Variants in NKAIN2 observed in about 807,000 individuals in gnomAD.
The protein encoded by NKAIN2 is sodium/potassium transporting ATPase interacting 2.
In NKAIN2, 14 loss-of-function variants were observed where a neutral mutation model predicts 32.6. The ratio of observed to expected loss-of-function variants is 0.43; its 90% CI spans 0.28 to 0.67. NKAIN2 has a LOEUF of 0.67. Among genes scored for constraint, NKAIN2 ranks in the 30% least tolerant of loss-of-function variants. The probability of loss-of-function intolerance (pLI) is 0.17; values close to 1 mark genes in which losing one functional copy is unlikely to be tolerated. For missense variants in NKAIN2, 198 were observed against 258.3 expected, an observed-to-expected ratio of 0.77 and a Z score of 1.60; for synonymous variants, 80 against 87.2, an observed-to-expected ratio of 0.92 and a Z score of 0.46.
chr6:124,023,378 C>T (rs1409400777), intron 1 of NKAIN2, among the ~76,000 whole-genome samples: 2 of 152,098 alleles, frequency 1.3e-5, no homozygotes, highest in African/African-American at 4.8e-5. Context: ...ACTTCTCCCA[C>T]TTTGTTTTCA....
intron 2 of NKAIN2, among the ~76,000 whole-genome samples, chr6:124,314,559 A>G (rs909850337): frequency 1.3e-5 from 2 of 152,130 alleles, no homozygotes; most frequent in African/African-American, 4.8e-5. Flanking sequence ...GGCTCCTCCT[A>G]CAAAGGAGCT....
rs540483228 is a variant in NKAIN2 at position 124,383,036 on chromosome 6, G to A, written c.273+27689G>A. On this transcript the variant is annotated intron_variant, in intron 3 of 6. Coordinates refer to ENST00000368417, the MANE Select transcript of NKAIN2 (RefSeq NM_001040214.3). ...TTCAAATCAGGAAAGCAAGCATAGC[G>A]GTTAGCATTTTTTCTGTACTGCTTC... Among the ~76,000 whole-genome samples, 35 of 152,148 alleles carry A rather than the reference G, an allele frequency of 2.3e-4. No individual in the cohort carries two copies. In the South Asian group the frequency reaches 6.9e-3, roughly 30 times the overall value.
At chr6:123,981,350 A>G (rs1320327646) in intron 1 of NKAIN2, among the ~76,000 whole-genome samples, 1 of 152,196 alleles carries the variant, frequency 6.6e-6, no homozygotes, top group Non-Finnish European at 1.5e-5. Flanking sequence ...AAAAAAAAGC[A>G]TCATACCTCC....
At chr6:124,385,839 A>G (rs994466294) in intron 3 of NKAIN2, among the ~76,000 whole-genome samples, 4 of 152,160 alleles carry the variant, frequency 2.6e-5, no homozygotes, top group African/African-American at 9.7e-5. Context: ...ATACATGTAC[A>G]TACTCATATA....
At chr6:123,916,868 C>G (rs1775528815) in intron 1 of NKAIN2, among the ~76,000 whole-genome samples, 1 of 151,596 alleles carries the variant, frequency 6.6e-6, no homozygotes. Context: ...CTGTCATCTA[C>G]CTACCTACCT....
At chr6:124,340,988 T>G (rs1322593) in intron 2 of NKAIN2, among the ~76,000 whole-genome samples, 131,506 of 152,100 alleles carry the variant, frequency 0.86, 57,190 homozygotes, top group African/African-American at 0.96. Flanking sequence ...ATACCTTTGG[T>G]ATACTGTTTT....
chr6:124,391,167 G>C (rs990583642), intron 3 of NKAIN2: 1 of 152,076 alleles, frequency 6.6e-6, no homozygotes, highest in African/African-American at 2.4e-5. Context: ...AGGATAAAAT[G>C]ATCCAAACAT....
At chr6:124,237,510 A>C (rs1255450627) in intron 1 of NKAIN2, among the ~76,000 whole-genome samples, 2 of 152,110 alleles carry the variant, frequency 1.3e-5, no homozygotes, top group African/African-American at 4.8e-5. Flanking sequence ...TAGGACAAGA[A>C]ATTAACAAAG....
intron 3 of NKAIN2, among the ~76,000 whole-genome samples, chr6:124,573,871 C>A (rs919116873): frequency 6.6e-6 from 1 of 152,040 alleles, no homozygotes; most frequent in African/African-American, 2.4e-5. Context: ...AGTCAGGCTG[C>A]GTGGAAAAAC....
At chr6:124,430,589 A>G (rs1321826067) in intron 3 of NKAIN2, among the ~76,000 whole-genome samples, 1 of 152,072 alleles carries the variant, frequency 6.6e-6, no homozygotes, top group African/African-American at 2.4e-5. Context: ...TCTTTACAGT[A>G]TCTCCATGTG....
intron 1 of NKAIN2, among the ~76,000 whole-genome samples, chr6:124,247,468 C>T (rs1387575524): frequency 1.3e-5 from 2 of 152,074 alleles, no homozygotes; most frequent in African/African-American, 4.8e-5. Context: ...TTTAATTCCA[C>T]TAGTAGAGAA....
chr6:123,950,338 C>T (rs1777268962), intron 1 of NKAIN2, among the ~76,000 whole-genome samples: 1 of 151,912 alleles, frequency 6.6e-6, no homozygotes, highest in Non-Finnish European at 1.5e-5. Flanking sequence ...AGAGAATTTC[C>T]TCCTTTCCAA....
intron 1 of NKAIN2, among the ~76,000 whole-genome samples, chr6:123,819,742 C>T (rs1056586174): frequency 2.0e-5 from 3 of 152,160 alleles, no homozygotes; most frequent in Non-Finnish European, 4.4e-5. Flanking sequence ...GTTAAAGGGA[C>T]ACCAGTGAGT....
At chr6:124,735,918 A>C (rs943900691) in intron 4 of NKAIN2, among the ~76,000 whole-genome samples, 1 of 151,888 alleles carries the variant, frequency 6.6e-6, no homozygotes, top group African/African-American at 2.4e-5. Flanking sequence ...GTAACCCTAC[A>C]ATGGCTTCTA....
At chr6:124,060,175 A>G (rs1335010755) in intron 1 of NKAIN2, among the ~76,000 whole-genome samples, 1 of 152,172 alleles carries the variant, frequency 6.6e-6, no homozygotes, top group Non-Finnish European at 1.5e-5. Context: ...ACCAAGCATC[A>G]GAAGAGACAA....
chr6:124,129,475 A>G (rs563105469), intron 1 of NKAIN2, among the ~76,000 whole-genome samples: 156 of 152,318 alleles, frequency 1.0e-3, no homozygotes, highest in African/African-American at 3.7e-3. Context: ...TTTTTTCACA[A>G]AGGACATCAA....
At chr6:124,728,869 A>G (rs1776481484) in intron 4 of NKAIN2, among the ~76,000 whole-genome samples, 1 of 151,290 alleles carries the variant, frequency 6.6e-6, no homozygotes, top group South Asian at 2.1e-4. Context: ...AAAATGATAA[A>G]GGGGATATCA....
chr6:124,066,081 T>A (rs191356301), intron 1 of NKAIN2, among the ~76,000 whole-genome samples: 4 of 152,260 alleles, frequency 2.6e-5, no homozygotes, highest in Non-Finnish European at 5.9e-5. Flanking sequence ...CAATCTCAAC[T>A]TTTTGACCAC....
At chr6:124,746,819 G>A (rs539291972) in intron 4 of NKAIN2, among the ~76,000 whole-genome samples, 2 of 151,858 alleles carry the variant, frequency 1.3e-5, no homozygotes, top group South Asian at 2.1e-4. Context: ...ATGGGACGTC[G>A]CTTCATCTTA....
Sources: gnomAD v4.1 joint callset for allele counts (sites outside exome capture counted in the v4.1 genomes callset) on GRCh38, gnomAD v4.1.1 for gene constraint, MANE v1.5 for transcripts, NCBI Gene and HGNC (gene_info 2026-07-23, HGNC 2026-07-21) for gene names.